The following GRTP1 variants were observed in gnomAD, a reference collection of about 807,000 sequenced individuals.
The protein encoded by GRTP1 is growth hormone-regulated TBC protein 1.
GRTP1 carries 56 observed loss-of-function variants against 38.1 expected under a neutral mutation model. The ratio of observed to expected loss-of-function variants is 1.47; its 90% CI spans 1.19 to 1.84. The LOEUF (loss-of-function observed/expected upper bound fraction) is 1.84, where lower values mean the gene tolerates loss of function less well. GRTP1 is among the 40% of genes most tolerant of loss of function. GRTP1 has a pLI of 0.00. For missense variants in GRTP1, 506 were observed against 453.9 expected, an observed-to-expected ratio of 1.11 and a Z score of -1.04; for synonymous variants, 217 against 189.5, an observed-to-expected ratio of 1.14 and a Z score of -1.19.
intron 5 of GRTP1, among the ~76,000 whole-genome samples, chr13:113,338,627 C>T (rs894957385): frequency 6.6e-6 from 1 of 152,156 alleles, no homozygotes; most frequent in African/African-American, 2.4e-5. Flanking sequence ...AGGAAAAAGA[C>T]GACAATGTGC....
intron 5 of GRTP1, among the ~76,000 whole-genome samples, chr13:113,337,466 G>A (rs764831198): frequency 3.3e-5 from 5 of 152,178 alleles, no homozygotes; most frequent in Non-Finnish European, 7.3e-5. Context: ...ATAACTAGGA[G>A]ACCCTGAATG....
At chr13:113,353,020 G>GTAGAAT (rs1433784189) in intron 3 of GRTP1, among the ~76,000 whole-genome samples, 1 of 150,878 alleles carries the variant, frequency 6.6e-6, no homozygotes, top group Non-Finnish European at 1.5e-5. Context: ...CAGGGACCCA[G>GTAGAAT]CCCCACACTC....
intron 5 of GRTP1, among the ~76,000 whole-genome samples, chr13:113,326,839 ATAT>A (rs2042782166): frequency 1.3e-5 from 2 of 152,224 alleles, no homozygotes; most frequent in East Asian, 1.9e-4. Context: ...ACACGACGGA[ATAT>A]TATTCAGCCT....
At chr13:113,325,502 C>T (rs765786107) in intron 7 of GRTP1, 159 bp downstream of exon 7, 72 of 1,484,258 alleles carry the variant, frequency 4.9e-5, no homozygotes, top group Middle Eastern at 2.1e-4. Flanking sequence ...GGAGGCCAGG[C>T]GCAGGGGGCA....
chr13:113,350,771 C>T (rs2043249918), intron 4 of GRTP1, 78 bp downstream of exon 4: 9 of 1,329,550 alleles, frequency 6.8e-6, no homozygotes, highest in East Asian at 2.6e-5. Context: ...GACGTGAGGC[C>T]GTCACTGCCG....
At chr13:113,326,197 C>G in intron 5 of GRTP1, 106 bp from the exon 6 acceptor site, 2 of 1,406,430 alleles carry the variant, frequency 1.4e-6, no homozygotes, top group Non-Finnish European at 1.9e-6. Flanking sequence ...TGGGAGGACC[C>G]CTCCCAAGAG....
chr13:113,333,833 T>TA (rs1566418501), intron 5 of GRTP1, among the ~76,000 whole-genome samples: 116 of 102,006 alleles, frequency 1.1e-3, no homozygotes, highest in African/African-American at 4.5e-3. Flanking sequence ...TTTATTTATT[T>TA]ATTTAGTGTG....
At chr13:113,325,439 G>A (rs1233521765) in intron 7 of GRTP1, 69 of 1,444,436 alleles carry the variant, frequency 4.8e-5, no homozygotes, top group South Asian at 3.0e-5. Flanking sequence ...CAGGAGCAGC[G>A]TCCGCAGTGC....
Position 113,343,899 on chromosome 13 carries a change from A to T in GRTP1, c.562+964T>A, listed in dbSNP as rs936482430. On this transcript the variant is annotated intron_variant, in intron 5 of 7. Transcript: ENST00000375431. This position sits in a 1 kb window ranked among gnomAD's most constrained non-coding sequence, Gnocchi z 4.8. ...GTGGTCTCAGCCCCAGGCCCTGCCCACCCGACTGATCCTCAGCTTCTCTTC... is the reference window on the plus strand; with the variant it reads ...GTGGTCTCAGCCCCAGGCCCTGCCCTCCCGACTGATCCTCAGCTTCTCTTC... Among the ~76,000 whole-genome samples, 7 of 152,084 alleles carry T rather than the reference A, an allele frequency of 4.6e-5. No homozygotes were observed. Among genetic ancestry groups the T allele is most frequent in the African/African-American group, 1.7e-4 (7 of 41,414 alleles).
At chr13:113,327,336 G>A (rs964260468) in intron 5 of GRTP1, among the ~76,000 whole-genome samples, 6 of 152,030 alleles carry the variant, frequency 3.9e-5, no homozygotes, top group East Asian at 1.9e-4. Context: ...TCACCACCAC[G>A]CCCAAGCTAA....
intron 7 of GRTP1, chr13:113,325,019 G>A (rs1264912857): frequency 2.9e-5 from 20 of 695,066 alleles, no homozygotes; most frequent in African/African-American, 3.9e-5. Context: ...TAGTAGAGAC[G>A]GGGTTTCACC....
chr13:113,354,634 T>TCC (rs2043347018), intron 3 of GRTP1, among the ~76,000 whole-genome samples: 1 of 151,986 alleles, frequency 6.6e-6, no homozygotes, highest in Non-Finnish European at 1.5e-5. Context: ...GTTCAAGCGA[T>TCC]TCTCCTGCCT....
At position 113,333,038 on chromosome 13, in the gene GRTP1, T is replaced by A. The variant is rs1403661437; in HGVS notation, c.563-6947A>T. The stretch of plus-strand genomic sequence containing the variant: ...GGACATAAAGCCAAGGGACCAGCAT[T>A]TATCCCGCCTCTTCTAATGGACTCA... On this transcript the variant is annotated intron_variant, in intron 5 of 7. Transcript: ENST00000375431. Among the ~76,000 whole-genome samples, 11 of 152,316 alleles carry A rather than the reference T, an allele frequency of 7.2e-5. No individual in the cohort carries two copies. The East Asian group carries it at 2.1e-3, about 29-fold the overall frequency.
intron 5 of GRTP1, among the ~76,000 whole-genome samples, chr13:113,332,424 CCA>C (rs376903764): frequency 1.6e-3 from 242 of 148,056 alleles, no homozygotes; most frequent in African/African-American, 6.0e-3. Context: ...CACACGCACA[CCA>C]CACAGGCACA....
chr13:113,340,317 A>G (rs1458045216), intron 5 of GRTP1, among the ~76,000 whole-genome samples: 2 of 143,750 alleles, frequency 1.4e-5, no homozygotes, highest in Non-Finnish European at 3.1e-5. Flanking sequence ...CTCTACAAAT[A>G]AAAAAAAAAA....
In GRTP1 at chr13:113,355,471, A is replaced by G. The variant is rs200856257; in HGVS notation, c.192T>C (p.Tyr64=). The G allele has an allele frequency of 2.5e-6, 4 of 1,610,742 alleles. No homozygotes were observed. In the African/African-American group the frequency reaches 5.3e-5, roughly 21 times the overall value. The change falls in exon 3 of 8, where the codon TAT becomes TAC. Residue 64 remains tyrosine, a synonymous_variant. Transcript: ENST00000375431. The part of the protein sequence containing the change: ...GVPRSRTVKR[Y]VRKGVPLEHR... ...GCTCCAGCGGGACCCCTTTCCGGAC[A>G]TAGCGCTTCACTGAAGGCCGAGAGG...
chr13:113,328,437 C>A (rs1037368693), intron 5 of GRTP1, among the ~76,000 whole-genome samples: 2 of 152,212 alleles, frequency 1.3e-5, no homozygotes, highest in African/African-American at 2.4e-5. Flanking sequence ...AGGTGTGAGT[C>A]CCAAGACCAC....
chr13:113,362,902 C>T (rs2043523805), intron 2 of GRTP1, among the ~76,000 whole-genome samples: 1 of 152,222 alleles, frequency 6.6e-6, no homozygotes, highest in Non-Finnish European at 1.5e-5. Flanking sequence ...TCCCACCAAG[C>T]CCTCACCCCA....
At chr13:113,324,627 C>A in intron 7 of GRTP1, 50 bp from the exon 8 acceptor site, 1 of 1,546,740 alleles carries the variant, frequency 6.5e-7, no homozygotes, top group Non-Finnish European at 8.7e-7. Context: ...CCCATTTCTA[C>A]GTTAGCTCTC....
Sources: gnomAD v4.1 joint callset for allele counts (sites outside exome capture counted in the v4.1 genomes callset) on GRCh38, gnomAD v4.1.1 for gene constraint, Gnocchi (gnomAD v3.1) non-coding constraint, MANE v1.5 for transcripts, NCBI Gene and HGNC (gene_info 2026-07-23, HGNC 2026-07-21) for gene names.